NCKAP5: variants seen among roughly 807,000 people sequenced by gnomAD.
NCKAP5 encodes nck-associated protein 5.
In NCKAP5, 92 loss-of-function variants were observed where a neutral mutation model predicts 167.0. The observed-to-expected ratio is 0.55, with a 90% CI of 0.47 to 0.66. NCKAP5 has a LOEUF of 0.66. Ranked by LOEUF, NCKAP5 falls within the 30% of genes least tolerant of loss-of-function variation. The pLI, the probability that NCKAP5 is intolerant of heterozygous loss-of-function variation, is 0.00. For synonymous variants in NCKAP5, 891 were observed against 877.4 expected (o/e 1.02, Z -0.27); for missense variants, 2,378 against 2,315.0 (o/e 1.03, Z -0.56).
At chr2:133,354,392 G>A (rs1255836614) in intron 3 of NCKAP5, among the ~76,000 whole-genome samples, 1 of 151,676 alleles carries the variant, frequency 6.6e-6, no homozygotes, top group Non-Finnish European at 1.5e-5. Context: ...AGTAGATGGG[G>A]CAACAGGCAT....
intron 3 of NCKAP5, among the ~76,000 whole-genome samples, chr2:133,308,484 T>C (rs890165641): frequency 9.2e-5 from 14 of 152,036 alleles, no homozygotes; most frequent in Non-Finnish European, 1.6e-4. Flanking sequence ...TGGTGATCCA[T>C]GTTGTGATTT....
intron 8 of NCKAP5, among the ~76,000 whole-genome samples, chr2:132,945,751 T>C (rs1327938210): frequency 6.6e-6 from 1 of 152,236 alleles, no homozygotes; most frequent in Non-Finnish European, 1.5e-5. Flanking sequence ...TTTTATTTAA[T>C]CCATTTGCAT....
chr2:133,108,641 C>T (rs965333186), intron 6 of NCKAP5, among the ~76,000 whole-genome samples: 2 of 152,318 alleles, frequency 1.3e-5, no homozygotes, highest in Middle Eastern at 6.8e-3. Flanking sequence ...CTCTCCAGAA[C>T]GTATTCATCC....
intron 12 of NCKAP5, among the ~76,000 whole-genome samples, chr2:132,795,034 C>T (rs1684469835): frequency 6.6e-6 from 1 of 152,180 alleles, no homozygotes; most frequent in Non-Finnish European, 1.5e-5. Flanking sequence ...ACTGTGTATG[C>T]ACATTTCCTG....
At chr2:133,384,366 TAG>T (rs1445142917) in intron 3 of NCKAP5, among the ~76,000 whole-genome samples, 1 of 152,210 alleles carries the variant, frequency 6.6e-6, no homozygotes, top group African/African-American at 2.4e-5. Flanking sequence ...CAGATAGCTA[TAG>T]ATGTGTGGTA....
chr2:133,131,368 C>T (rs1202120253), intron 5 of NCKAP5, among the ~76,000 whole-genome samples: 2 of 152,200 alleles, frequency 1.3e-5, no homozygotes, highest in Admixed American at 1.3e-4. Context: ...CATTTCCTCC[C>T]TTCCCTGAAT....
the NCKAP5 span, among the ~76,000 whole-genome samples, chr2:133,598,525 C>T: frequency 6.6e-6 from 1 of 152,198 alleles, no homozygotes; most frequent in African/African-American, 2.4e-5. Flanking sequence ...GCTTTTATAA[C>T]TCCCACAGCC....
intron 11 of NCKAP5, among the ~76,000 whole-genome samples, chr2:132,813,605 C>T (rs537646306): frequency 6.6e-6 from 1 of 152,292 alleles, no homozygotes; most frequent in African/African-American, 2.4e-5. Context: ...CATGCAGTGA[C>T]TCCTCCTGTG....
chr2:132,965,890 AG>A (rs1193459828), intron 7 of NCKAP5, among the ~76,000 whole-genome samples: 28 of 146,388 alleles, frequency 1.9e-4, no homozygotes, highest in African/African-American at 7.3e-4. Context: ...CATCTTTATA[AG>A]GTACATGACT....
intron 3 of NCKAP5, among the ~76,000 whole-genome samples, chr2:133,384,790 G>A (rs1451218973): frequency 6.6e-6 from 1 of 152,076 alleles, no homozygotes; most frequent in African/African-American, 2.4e-5. Context: ...GGATTCCTAG[G>A]TATTTTATTC....
At chr2:133,177,885 G>A (rs2084540021) in intron 5 of NCKAP5, among the ~76,000 whole-genome samples, 1 of 152,220 alleles carries the variant, frequency 6.6e-6, no homozygotes, top group Admixed American at 6.5e-5. Flanking sequence ...TTGGGGTGGT[G>A]TGAGAGGAGG....
intron 8 of NCKAP5, among the ~76,000 whole-genome samples, chr2:132,892,190 TCCTGATTCTTTTAA>T (rs1216002668): frequency 6.6e-6 from 1 of 152,138 alleles, no homozygotes; most frequent in African/African-American, 2.4e-5. Flanking sequence ...TAGCGTCAGG[TCCTGATTCTTTTAA>T]CCCACAGTCT....
chr2:133,154,987 G>T (rs2083520792), intron 5 of NCKAP5, among the ~76,000 whole-genome samples: 1 of 152,122 alleles, frequency 6.6e-6, no homozygotes, highest in African/African-American at 2.4e-5. Context: ...CTTAAATTCT[G>T]CTTTGGCAAT....
intron 3 of NCKAP5, among the ~76,000 whole-genome samples, chr2:133,340,318 C>T (rs1235212042): frequency 1.3e-5 from 2 of 152,130 alleles, no homozygotes; most frequent in Non-Finnish European, 2.9e-5. Context: ...TCTTCGTCTC[C>T]TCATCTTCAA....
intron 5 of NCKAP5, among the ~76,000 whole-genome samples, chr2:133,157,029 G>A (rs750194100): frequency 2.0e-5 from 3 of 152,118 alleles, no homozygotes; most frequent in Non-Finnish European, 2.9e-5. Context: ...AAAACAGCAT[G>A]CTACTCATTT....
intron 6 of NCKAP5, among the ~76,000 whole-genome samples, chr2:133,030,940 T>C (rs781002412): frequency 6.6e-6 from 1 of 152,124 alleles, no homozygotes; most frequent in Non-Finnish European, 1.5e-5. Context: ...ATCTTCACAT[T>C]GCATCCTCCT....
intron 4 of NCKAP5, among the ~76,000 whole-genome samples, chr2:133,268,594 TG>T (rs2089356604): frequency 6.7e-6 from 1 of 148,536 alleles, no homozygotes; most frequent in African/African-American, 2.5e-5. Flanking sequence ...GCCATTCTCC[TG>T]CCTCAGCCTC....
chr2:133,170,042 T>C (rs939024835), intron 5 of NCKAP5, among the ~76,000 whole-genome samples: 2 of 152,208 alleles, frequency 1.3e-5, no homozygotes, highest in African/African-American at 4.8e-5. Flanking sequence ...CCTTGGATGA[T>C]GTTTTAAAAA....
chr2:133,207,997 A>G (rs998696021), intron 5 of NCKAP5, among the ~76,000 whole-genome samples: 3 of 152,110 alleles, frequency 2.0e-5, no homozygotes, highest in Admixed American at 1.3e-4. Flanking sequence ...TACAGCAGAG[A>G]AATCTGACAG....
Sources: allele counts gnomAD v4.1 joint callset (sites outside exome capture counted in the v4.1 genomes callset), GRCh38; gene constraint gnomAD v4.1.1; transcripts MANE v1.5; gene names NCBI Gene and HGNC (gene_info 2026-07-23, HGNC 2026-07-21).